Variants in SDK2 observed in about 807,000 individuals in gnomAD.
SDK2 encodes the protein protein sidekick-2.
Under a neutral mutation model 253.9 loss-of-function variants are expected in SDK2, and 105 were observed. The observed-to-expected ratio is 0.41, with a 90% CI of 0.35 to 0.49. The LOEUF (loss-of-function observed/expected upper bound fraction) is 0.49. SDK2 is among the 20% of genes least tolerant of loss of function. The probability of loss-of-function intolerance (pLI) is 0.06; values close to 1 mark genes in which losing one functional copy is unlikely to be tolerated. For synonymous variants in SDK2, 1,249 were observed against 1,234.9 expected (o/e 1.01, Z -0.24); for missense variants, 2,608 against 3,003.0 (o/e 0.87, Z 3.07).
At chr17:73,416,237 C>A (rs962440936) in intron 16 of SDK2, among the ~76,000 whole-genome samples, 2 of 110,290 alleles carry the variant, frequency 1.8e-5, no homozygotes, top group Admixed American at 1.4e-4. Flanking sequence ...TGTTCTGTCA[C>A]CCAGGCTGGA....
At chr17:73,569,015 T>C (rs1279547486) in intron 1 of SDK2, among the ~76,000 whole-genome samples, 1 of 152,210 alleles carries the variant, frequency 6.6e-6, no homozygotes, top group Admixed American at 6.5e-5. Context: ...ACACTCATAG[T>C]AACCACAAGA....
At chr17:73,538,200 G>A (rs1459412267) in intron 1 of SDK2, among the ~76,000 whole-genome samples, 1 of 152,160 alleles carries the variant, frequency 6.6e-6, no homozygotes. Flanking sequence ...TAGGTGCCAC[G>A]GTTGTGCTGA....
At chr17:73,354,703 G>A (rs1357604188) in intron 40 of SDK2, among the ~76,000 whole-genome samples, 1 of 152,122 alleles carries the variant, frequency 6.6e-6, no homozygotes, top group Admixed American at 6.5e-5. Flanking sequence ...CCAGGCCGCT[G>A]CCACCAGGGA....
At chr17:73,402,552 T>A (rs904509631) in intron 18 of SDK2, among the ~76,000 whole-genome samples, 41 of 152,324 alleles carry the variant, frequency 2.7e-4, no homozygotes, top group African/African-American at 9.4e-4. Context: ...TGTGGGGTCC[T>A]TCCAAACGTG....
intron 18 of SDK2, 34 bp from the exon 19 acceptor site, chr17:73,402,175 AG>A: frequency 6.2e-7 from 1 of 1,600,150 alleles, no homozygotes; most frequent in Non-Finnish European, 8.5e-7. Context: ...ACAGGGCAGC[AG>A]GAAGGTTCCA....
intron 2 of SDK2, among the ~76,000 whole-genome samples, chr17:73,503,202 G>A (rs575911063): frequency 1.8e-4 from 28 of 152,316 alleles, no homozygotes; most frequent in Middle Eastern, 3.4e-3. Flanking sequence ...TAGGTCCGGC[G>A]TTGAAGAAGA....
intron 12 of SDK2, among the ~76,000 whole-genome samples, chr17:73,424,796 T>C (rs967128406): frequency 4.6e-5 from 7 of 152,190 alleles, no homozygotes; most frequent in Non-Finnish European, 8.8e-5. Context: ...GCTGAGATGC[T>C]TTGCAAATAG....
intron 39 of SDK2, among the ~76,000 whole-genome samples, chr17:73,359,946 C>G (rs1007852748): frequency 6.6e-6 from 1 of 152,176 alleles, no homozygotes; most frequent in Admixed American, 6.5e-5. Context: ...CCGGCTGGTT[C>G]TTTCTTTCTC....
chr17:73,387,939 G>T lies in SDK2; in HGVS notation c.4291C>A (p.Pro1431Thr). The T allele has an allele frequency of 6.3e-7, 1 of 1,582,758 alleles. No homozygotes were observed. Among genetic ancestry groups the T allele is most frequent in the East Asian group, 2.3e-5 (1 of 42,968 alleles). ...SWEPGSDGLSPVRYYTIQTRE... is the reference protein window; with the variant it reads ...SWEPGSDGLSTVRYYTIQTRE... ...GTCTGGATGGTGTAGTAGCGCACAG[G>T]GGAGAGCCCGTCGCTCCCTGGCTCC... The change falls in exon 30 of 45, where the codon CCT becomes ACT. Residue 1431 changes from proline to threonine, a missense_variant. Physicochemically the swap from Pro to Thr is conservative, Grantham distance 38. Coordinates refer to ENST00000392650, the MANE Select transcript of SDK2 (RefSeq NM_001144952.2).
At chr17:73,366,380 A>G (rs1370300602) in intron 37 of SDK2, among the ~76,000 whole-genome samples, 1 of 152,130 alleles carries the variant, frequency 6.6e-6, no homozygotes, top group African/African-American at 2.4e-5. Context: ...TCAGCAGCTC[A>G]CGCTCATTCT....
At chr17:73,373,395 G>T (rs2062752583) in intron 36 of SDK2, among the ~76,000 whole-genome samples, 1 of 152,292 alleles carries the variant, frequency 6.6e-6, no homozygotes, top group South Asian at 2.1e-4. Context: ...TGGGATTGCT[G>T]GATCATTGGA....
chr17:73,421,696 G>A (rs1217228015), intron 15 of SDK2, among the ~76,000 whole-genome samples: 1 of 81,828 alleles, frequency 1.2e-5, no homozygotes, highest in African/African-American at 4.4e-5. Context: ...CGAGTAGCTG[G>A]GATTACAGGC....
chr17:73,391,451 C>A lies in SDK2; in HGVS notation c.3986G>T (p.Gly1329Val). Residue 1329 changes from glycine to valine, a missense_variant, in exon 28 of 45, where the codon GGC becomes GTC. Physicochemically the swap from Gly to Val is moderately radical, Grantham distance 109 (BLOSUM62 -3). Around this residue, in one of 2 missense-constraint regions of SDK2, gnomAD observed 1,505 missense variants for 1,859.1 expected, o/e 0.81. Transcript: ENST00000392650. ...GGGCAAAGGCTTACCAAGAATGATG[C>A]CATTGGGGGCGGCAGGGGGCTGCCA... Reference protein sequence around the residue: ...LIWQPPAAPNGIILAYQITHR... With the variant: ...LIWQPPAAPNVIILAYQITHR... 7.6e-7 allele frequency: 1 copy of A among 1,309,454 alleles called. No homozygotes were observed. Among genetic ancestry groups the A allele is most frequent in the Non-Finnish European group, 9.8e-7 (1 of 1,020,238 alleles). 81.1% of individuals were successfully genotyped at this position (1,309,454 alleles called of 1,614,324 possible).
At chr17:73,556,856 T>A (rs527978783) in intron 1 of SDK2, among the ~76,000 whole-genome samples, 33 of 152,116 alleles carry the variant, frequency 2.2e-4, no homozygotes, top group Middle Eastern at 3.4e-3. Flanking sequence ...AAAATGGGGG[T>A]GATGATGATC....
intron 3 of SDK2, among the ~76,000 whole-genome samples, chr17:73,462,171 G>A (rs1161932760): frequency 6.6e-6 from 1 of 152,070 alleles, no homozygotes; most frequent in Non-Finnish European, 1.5e-5. Context: ...TTACATATAT[G>A]TGTACATGTA....
Position 73,435,697 on chromosome 17 carries a change from C to T in SDK2, c.1001-53G>A, listed in dbSNP as rs977085081. The T allele has an allele frequency of 6.8e-6, 10 of 1,460,606 alleles. No individual in the cohort carries two copies. In the African/African-American group the frequency reaches 8.4e-5, roughly 12 times the overall value. 90.5% of individuals were successfully genotyped at this position (1,460,606 alleles called of 1,614,324 possible). A position where few individuals can be genotyped will look rare whatever the true frequency, so the allele number is the denominator to read the frequency against. On this transcript the variant is annotated intron_variant, in intron 8 of 44. Coordinates refer to ENST00000392650, the MANE Select transcript of SDK2 (RefSeq NM_001144952.2). This position sits in a 1 kb window ranked among gnomAD's most constrained non-coding sequence, Gnocchi z 5.7. ...AACCTGCCTCCTGCCTCCTCTCCGC[C>T]TAGGAGGGGTGCTTGGGAGGAGGCC...
chr17:73,532,412 ACTT>A (rs1363328123), intron 1 of SDK2, among the ~76,000 whole-genome samples: 2 of 152,200 alleles, frequency 1.3e-5, no homozygotes, highest in Admixed American at 6.5e-5. Flanking sequence ...AAATTGGATC[ACTT>A]CTTCTGCAAA....
In SDK2 at chr17:73,431,369, T is replaced by C. The variant is rs1205728290; in HGVS notation, c.1480+133A>G. On this transcript the variant is annotated intron_variant, in intron 11 of 44. Coordinates refer to ENST00000392650, the MANE Select transcript of SDK2 (RefSeq NM_001144952.2). The surrounding 1 kb of genome is among the most constrained non-coding windows in gnomAD (Gnocchi z 5.6). Reference sequence around the variant, plus strand: ...TCCCTCTGATGAGAAGGGCCCTGACTGGGACAGACACTGGGGATGGAGACA... The same window carrying C: ...TCCCTCTGATGAGAAGGGCCCTGACCGGGACAGACACTGGGGATGGAGACA... 3.5e-6 allele frequency: 3 copies of C among 865,524 alleles called. No homozygotes were observed. Among genetic ancestry groups the C allele is most frequent in the Non-Finnish European group, 5.2e-6 (3 of 580,846 alleles). The allele number at this position is 865,524 out of a possible 1,614,324, so 53.6% of individuals were successfully genotyped here.
intron 30 of SDK2, among the ~76,000 whole-genome samples, 180 bp from the exon 31 acceptor site, chr17:73,386,728 G>A (rs1279814504): frequency 1.3e-5 from 2 of 152,230 alleles, no homozygotes; most frequent in Non-Finnish European, 2.9e-5. Context: ...GGACAAACTG[G>A]GACCCGGCCC....
Sources: allele counts gnomAD v4.1 joint callset (sites outside exome capture counted in the v4.1 genomes callset), GRCh38; gene constraint gnomAD v4.1.1; regional missense constraint gnomAD v4.1.1; non-coding constraint Gnocchi (gnomAD v3.1); transcripts MANE v1.5; gene names NCBI Gene and HGNC (gene_info 2026-07-23, HGNC 2026-07-21).